ATAD3A: variants seen among roughly 807,000 people sequenced by gnomAD.
ATAD3A encodes the protein ATPase family AAA domain containing 3A, also known as ATPase family AAA domain-containing protein 3A.
ATAD3A carries 46 observed loss-of-function variants against 73.8 expected under a neutral mutation model. The observed-to-expected ratio is 0.62, with a 90% confidence interval of 0.49 to 0.80. The LOEUF is 0.80. ATAD3A is among the 30% of genes least tolerant of loss of function. The pLI is 0.00. For missense variants in ATAD3A, 705 were observed against 838.0 expected (o/e 0.84, Z 1.96); for synonymous variants, 319 against 350.0 (o/e 0.91, Z 0.99).
intron 3 of ATAD3A, 71 bp downstream of exon 3, chr1:1,517,483 G>A: frequency 3.9e-6 from 5 of 1,267,188 alleles, no homozygotes; most frequent in East Asian, 2.7e-5. Flanking sequence ...ACTGGGAGCT[G>A]GGTGTGGTCC....
At chr1:1,519,048 G>A (rs1344482829) in intron 5 of ATAD3A, 58 bp downstream of exon 5, 40 of 1,613,278 alleles carry the variant, frequency 2.5e-5, no homozygotes, top group Middle Eastern at 1.7e-4. Context: ...TGTGGACCCG[G>A]CGTGCACTCT....
chr1:1,529,922 A>C (rs1570356909), intron 15 of ATAD3A, among the ~76,000 whole-genome samples: 1 of 152,192 alleles, frequency 6.6e-6, no homozygotes, highest in African/African-American at 2.4e-5. Flanking sequence ...TTGCTGGAAA[A>C]GCAAAACCAG....
At chr1:1,532,164 T>C (rs967172985) in intron 15 of ATAD3A, among the ~76,000 whole-genome samples, 1 of 152,160 alleles carries the variant, frequency 6.6e-6, no homozygotes, top group African/African-American at 2.4e-5. Flanking sequence ...GGTGTATAAT[T>C]TTTTTATTAT....
intron 4 of ATAD3A, among the ~76,000 whole-genome samples, chr1:1,518,424 C>CACACACCCACACACATGGGCGCGCGT: frequency 6.8e-6 from 1 of 146,280 alleles, no homozygotes; most frequent in African/African-American, 2.5e-5. Context: ...GACGGACACA[C>CACACACCCACACACATGGGCGCGCGT]ACACACCCAC....
intron 15 of ATAD3A, among the ~76,000 whole-genome samples, chr1:1,530,108 G>T (rs1641985965): frequency 6.6e-6 from 1 of 152,184 alleles, no homozygotes; most frequent in Admixed American, 6.5e-5. Context: ...TTCACAGGGG[G>T]CTGTATTAGT....
At position 1,523,388 on chromosome 1, in the gene ATAD3A, G is replaced by A. The variant is rs1641674794; in HGVS notation, c.907-123G>A. ...CGGGGCAGGGTTCCAGCTCCGGGCCGGTCCTGGCTGTGCTTTGGGGCAGCT... is the reference window on the plus strand; with the variant it reads ...CGGGGCAGGGTTCCAGCTCCGGGCCAGTCCTGGCTGTGCTTTGGGGCAGCT... On this transcript the variant is annotated intron_variant, in intron 8 of 15. Coordinates refer to ENST00000378756, the MANE Select transcript of ATAD3A (RefSeq NM_001170535.3). This position sits in a 1 kb window ranked among gnomAD's most constrained non-coding sequence, Gnocchi z 5.1. 1.1e-5 allele frequency: 16 copies of A among 1,477,706 alleles called. No individual in the cohort carries two copies. The highest frequency in any genetic ancestry group is 1.3e-5 in the South Asian group (1 of 79,550). 91.5% of individuals were successfully genotyped at this position (1,477,706 alleles called of 1,614,324 possible).
chr1:1,528,871 C>T (rs1472324382), intron 14 of ATAD3A, among the ~76,000 whole-genome samples: 1 of 152,270 alleles, frequency 6.6e-6, no homozygotes, highest in Non-Finnish European at 1.5e-5. Context: ...GCTCGTAGCC[C>T]TGGCACCATG....
intron 15 of ATAD3A, among the ~76,000 whole-genome samples, chr1:1,532,411 G>A (rs560736577): frequency 6.6e-6 from 1 of 152,324 alleles, no homozygotes; most frequent in East Asian, 1.9e-4. Context: ...TCCAGGTCTT[G>A]TCTTTCAACT....
chr1:1,525,016 G>C (rs966079030), intron 11 of ATAD3A, among the ~76,000 whole-genome samples: 47 of 152,196 alleles, frequency 3.1e-4, no homozygotes, highest in Admixed American at 1.3e-4. Context: ...CGTCGCCCCC[G>C]TGTGTGGTTG....
chr1:1,518,149 AC>A (rs1018365233), intron 4 of ATAD3A, among the ~76,000 whole-genome samples: 1 of 140,614 alleles, frequency 7.1e-6, no homozygotes, highest in African/African-American at 2.7e-5. Flanking sequence ...CCGCAAACAT[AC>A]CCCCACACAA....
intron 7 of ATAD3A, 85 bp from the exon 8 acceptor site, chr1:1,522,659 A>T (rs1039767426): frequency 1.3e-6 from 2 of 1,579,026 alleles, no homozygotes; most frequent in Admixed American, 3.4e-5. Context: ...GGGCGGAGAG[A>T]GGGTGGGGGC....
In ATAD3A at chr1:1,522,905, A is replaced by G. The variant is rs6675874; in HGVS notation, c.906+6A>G. On this transcript the variant is annotated splice_donor_region_variant and intron_variant, in intron 8 of 15. Transcript: ENST00000378756. ...CGCTGCGGCACCCCATCCAGGTAGC[A>G]GCGCAGGCCTGGCCCTCCCTGAGTG... 0.09 allele frequency: 142,563 copies of G among 1,584,766 alleles called. 21,727 individuals carry two copies. Among genetic ancestry groups the G allele is most frequent in the African/African-American group, 0.6 (41,380 of 69,022 alleles).
chr1:1,514,794 G>A (rs933688725), intron 1 of ATAD3A, among the ~76,000 whole-genome samples: 3 of 152,242 alleles, frequency 2.0e-5, no homozygotes, highest in African/African-American at 4.8e-5. Context: ...GGGAGGAAGA[G>A]AGACGGGAAC....
intron 1 of ATAD3A, among the ~76,000 whole-genome samples, chr1:1,515,692 A>G (rs771686859): frequency 9.8e-5 from 15 of 152,360 alleles, no homozygotes; most frequent in South Asian, 2.1e-4. Context: ...GTGAAAAAAT[A>G]GAGGACACTT....
chr1:1,526,185 T>C (rs1641837440), intron 12 of ATAD3A, among the ~76,000 whole-genome samples: 1 of 151,996 alleles, frequency 6.6e-6, no homozygotes, highest in African/African-American at 2.4e-5. Context: ...CACGCCTGGC[T>C]AATTTTTGTA....
intron 15 of ATAD3A, 22 bp from the exon 16 acceptor site, chr1:1,533,904 C>T: frequency 6.2e-7 from 1 of 1,609,234 alleles, no homozygotes; most frequent in Non-Finnish European, 8.5e-7. Context: ...CGGCCTCCCT[C>T]AGCTGCCTCT....
chr1:1,525,909 C>T (rs1278550379), intron 12 of ATAD3A, among the ~76,000 whole-genome samples: 2 of 152,164 alleles, frequency 1.3e-5, no homozygotes, highest in African/African-American at 4.8e-5. Context: ...AGTTTCCTCA[C>T]GTTGCCCAGA....
In ATAD3A at chr1:1,522,999, C is replaced by G. The variant is rs576688401; in HGVS notation, c.906+100C>G. On this transcript the variant is annotated intron_variant, in intron 8 of 15. Coordinates refer to ENST00000378756, the MANE Select transcript of ATAD3A (RefSeq NM_001170535.3). ...GCACACCCTCCCGTCCCTTCCCTTTCCCCGGATAACGGGCACCCGCACACT... is the reference window on the plus strand; with the variant it reads ...GCACACCCTCCCGTCCCTTCCCTTTGCCCGGATAACGGGCACCCGCACACT... The G allele has an allele frequency of 2.4e-5, 36 of 1,519,470 alleles. No homozygotes were observed. The East Asian group carries it at 8.1e-4, about 34-fold the overall frequency. 94.1% of individuals were successfully genotyped at this position (1,519,470 alleles called of 1,614,324 possible). A position where few individuals can be genotyped will look rare whatever the true frequency, so the allele number is the denominator to read the frequency against.
chr1:1,526,659 A>T, intron 13 of ATAD3A, 128 bp downstream of exon 13: 2 of 1,539,010 alleles, frequency 1.3e-6, no homozygotes, highest in Non-Finnish European at 1.7e-6. Flanking sequence ...CAACATGCCC[A>T]CCTCGGATGT....
Sources: allele counts gnomAD v4.1 joint callset (sites outside exome capture counted in the v4.1 genomes callset), GRCh38; gene constraint gnomAD v4.1.1; non-coding constraint Gnocchi (gnomAD v3.1); transcripts MANE v1.5; gene names NCBI Gene and HGNC (gene_info 2026-07-23, HGNC 2026-07-21).